The following ZBTB34 variants were observed in gnomAD, a reference collection of about 807,000 sequenced individuals.
ZBTB34 encodes the protein zinc finger and BTB domain containing 34.
In ZBTB34, 1 loss-of-function variant was observed where a neutral mutation model predicts 33.4. That is an observed-to-expected ratio of 0.03 (90% CI 0.01 to 0.14). ZBTB34 has a LOEUF of 0.14. Ranked by LOEUF, ZBTB34 falls within the 10% of genes least tolerant of loss-of-function variation. The pLI is 1.00. For missense variants in ZBTB34, 406 were observed against 657.2 expected, an observed-to-expected ratio of 0.62 and a Z score of 4.18; for synonymous variants, 283 against 253.5, an observed-to-expected ratio of 1.12 and a Z score of -1.11.
chr9:126,862,355 G>C (rs2033153258), intron 1 of ZBTB34, among the ~76,000 whole-genome samples: 1 of 152,144 alleles, frequency 6.6e-6, no homozygotes, highest in African/African-American at 2.4e-5. Flanking sequence ...GAAGCTAGAG[G>C]CCAGGAGATC....
At chr9:126,885,306 C>T (rs547218592) in exon 2 of ZBTB34, 92 of 167,168 alleles carry the variant, frequency 5.5e-4, no homozygotes, top group African/African-American at 2.2e-3. Flanking sequence ...TTGCCTGGCT[C>T]TCCTTGTAGC....
In ZBTB34 at chr9:126,880,472, G is replaced by C. The variant is rs2033423482; in HGVS notation, c.1073G>C (p.Ser358Thr). 7.4e-6 allele frequency: 12 copies of C among 1,613,816 alleles called. No homozygotes were observed. The highest frequency in any genetic ancestry group is 1.0e-5 in the Non-Finnish European group (12 of 1,179,892). ...ATGATGAACAACCCCGGGTATGAGA[G>C]CAGTCCCCGGGAGAGGAGTGCGAGA... Residue 358 changes from serine (S) to threonine (T), a missense_variant, in exon 2 of 2, where the codon AGC (serine) becomes ACC (threonine). Coordinates refer to ENST00000319119, the Ensembl canonical transcript of ZBTB34. This position sits in a 1 kb window ranked among gnomAD's most constrained non-coding sequence, Gnocchi z 6.7.
chr9:126,880,209 A>G lies in ZBTB34; in HGVS notation c.810A>G (p.Gln270=), dbSNP rs778430846. The change falls in exon 2 of 2, where the codon CAA becomes CAG. Residue 270 remains glutamine (Q), a synonymous_variant. Coordinates refer to ENST00000319119, the Ensembl canonical transcript of ZBTB34. This position sits in a 1 kb window ranked among gnomAD's most constrained non-coding sequence, Gnocchi z 6.7. ...ACACCGAGATGGTTGATGGGGAACA[A>G]GTTGTGGCAGTGAATGTGGGCTCCT... is the stretch of plus-strand genomic sequence containing the variant. 1 of 1,613,834 alleles carries G rather than the reference A, an allele frequency of 6.2e-7. No homozygotes were observed. Among genetic ancestry groups the G allele is most frequent in the Non-Finnish European group, 8.5e-7 (1 of 1,179,898 alleles).
At chr9:126,868,384 GC>G (rs1326181717) in intron 1 of ZBTB34, among the ~76,000 whole-genome samples, 3 of 152,106 alleles carry the variant, frequency 2.0e-5, no homozygotes, top group Non-Finnish European at 4.4e-5. Context: ...CAGAGCCCCC[GC>G]TTTGGCTTTG....
chr9:126,873,245 A>T (rs2119219458), intron 1 of ZBTB34, among the ~76,000 whole-genome samples: 1 of 152,258 alleles, frequency 6.6e-6, no homozygotes, highest in African/African-American at 2.4e-5. Flanking sequence ...TTGAGAAAGA[A>T]GTATTTTGTC....
intron 1 of ZBTB34, among the ~76,000 whole-genome samples, chr9:126,878,081 A>G (rs925503624): frequency 9.2e-5 from 14 of 151,928 alleles, no homozygotes; most frequent in East Asian, 1.9e-4. Flanking sequence ...CACACTTGCA[A>G]TCCTAGCACT....
chr9:126,884,058 T>G (rs1413416844), exon 2 of ZBTB34: 1 of 167,128 alleles, frequency 6.0e-6, no homozygotes, highest in African/African-American at 2.4e-5. Flanking sequence ...GTTTCATTTA[T>G]AACAGATGCA....
intron 1 of ZBTB34, among the ~76,000 whole-genome samples, chr9:126,872,091 C>T (rs1372898426): frequency 1.1e-4 from 17 of 152,128 alleles, no homozygotes; most frequent in African/African-American, 2.9e-4. Context: ...GGATTACAGA[C>T]GCCTGCTACC....
At chr9:126,882,152 C>T (rs1488989877) in exon 2 of ZBTB34, 2 of 167,068 alleles carry the variant, frequency 1.2e-5, no homozygotes, top group African/African-American at 2.4e-5. Flanking sequence ...GGCTCCCCCA[C>T]TCTCTCAGTG....
At chr9:126,860,653 C>A (rs1405676790), upstream of ZBTB34, 2 of 147,764 alleles carry the variant, frequency 1.4e-5, no homozygotes, top group East Asian at 4.0e-4. Flanking sequence ...GCTGGGGCGG[C>A]AGCCGGAGCG....
intron 1 of ZBTB34, among the ~76,000 whole-genome samples, chr9:126,873,786 G>A (rs1172946548): frequency 6.7e-6 from 1 of 150,008 alleles, no homozygotes; most frequent in Non-Finnish European, 1.5e-5. Context: ...TGTATTTTTA[G>A]TAGAGACAGG....
In ZBTB34 at chr9:126,880,411, C is replaced by T. The variant is rs892836878; in HGVS notation, c.1012C>T (p.Leu338=). ...TTTGTCTGTCCACCTGCACAGTGAC[C>T]TGCAGGGCCTGGTGCAGGGCTCTGA... is the stretch of plus-strand genomic sequence containing the variant. The change falls in exon 2 of 2, where the codon CTG becomes TTG. Residue 338 remains leucine (L), a synonymous_variant. Transcript: ENST00000319119. The surrounding 1 kb of genome is among the most constrained non-coding windows in gnomAD (Gnocchi z 6.7). 8.7e-6 allele frequency: 14 copies of T among 1,613,438 alleles called. No homozygotes were observed. Among genetic ancestry groups the T allele is most frequent in the Non-Finnish European group, 1.2e-5 (14 of 1,179,834 alleles).
chr9:126,866,248 C>T (rs1265727948), intron 1 of ZBTB34, among the ~76,000 whole-genome samples: 3 of 152,160 alleles, frequency 2.0e-5, no homozygotes, highest in East Asian at 1.9e-4. Flanking sequence ...ATATTTCCCA[C>T]GACCCCGTGA....
intron 1 of ZBTB34, among the ~76,000 whole-genome samples, chr9:126,870,755 C>T (rs377535221): frequency 3.9e-5 from 6 of 152,030 alleles, no homozygotes; most frequent in Admixed American, 2.6e-4. Flanking sequence ...GGTGAAACCC[C>T]GTCTCTACTA....
At chr9:126,871,281 G>A (rs529723120) in intron 1 of ZBTB34, among the ~76,000 whole-genome samples, 2 of 151,348 alleles carry the variant, frequency 1.3e-5, no homozygotes, top group South Asian at 4.2e-4. Context: ...GGTTAAGTAC[G>A]TTGTGATATA....
At chr9:126,869,846 G>A (rs1196379310) in intron 1 of ZBTB34, among the ~76,000 whole-genome samples, 1 of 152,198 alleles carries the variant, frequency 6.6e-6, no homozygotes, top group Non-Finnish European at 1.5e-5. Context: ...GAAGAGACCT[G>A]TGAAGAAGTT....
intron 1 of ZBTB34, among the ~76,000 whole-genome samples, chr9:126,866,517 CT>C (rs1244288226): frequency 2.0e-5 from 3 of 151,998 alleles, no homozygotes; most frequent in Non-Finnish European, 4.4e-5. Context: ...CTGGAGTGTT[CT>C]TTTTTTTCCC....
chr9:126,865,804 G>T (rs938544169), intron 1 of ZBTB34, among the ~76,000 whole-genome samples: 5 of 152,158 alleles, frequency 3.3e-5, no homozygotes, highest in Admixed American at 6.5e-5. Flanking sequence ...GGTCAACATG[G>T]TAAAACCCTG....
chr9:126,876,966 G>T (rs1439509625), intron 1 of ZBTB34, among the ~76,000 whole-genome samples: 2 of 152,160 alleles, frequency 1.3e-5, no homozygotes, highest in Non-Finnish European at 2.9e-5. Context: ...AGATTTAGTT[G>T]CACGTTGTCT....
Sources: gnomAD v4.1 joint callset for allele counts (sites outside exome capture counted in the v4.1 genomes callset) on GRCh38, gnomAD v4.1.1 for gene constraint, Gnocchi (gnomAD v3.1) non-coding constraint, MANE v1.5 for transcripts, NCBI Gene and HGNC (gene_info 2026-07-23, HGNC 2026-07-21) for gene names.